TMC1: variants seen among roughly 807,000 people sequenced by gnomAD.
TMC1 encodes transmembrane channel like 1.
In TMC1, 84 loss-of-function variants were observed where a neutral mutation model predicts 105.8. That is an observed-to-expected ratio of 0.79 (90% CI 0.67 to 0.95). The LOEUF (loss-of-function observed/expected upper bound fraction) is 0.95, where lower values mean the gene tolerates loss of function less well. TMC1 is among the 40% of genes least tolerant of loss of function. The pLI is 0.00. For synonymous variants in TMC1, 315 were observed against 311.5 expected, an observed-to-expected ratio of 1.01 and a Z score of -0.12; for missense variants, 817 against 914.1, an observed-to-expected ratio of 0.89 and a Z score of 1.37.
At chr9:72,605,121 A>C (rs1824891415) in intron 2 of TMC1, among the ~76,000 whole-genome samples, 1 of 152,230 alleles carries the variant, frequency 6.6e-6, no homozygotes, top group Non-Finnish European at 1.5e-5. Context: ...ACATACGCCA[A>C]AAACAATATA....
intron 4 of TMC1, among the ~76,000 whole-genome samples, chr9:72,648,357 G>T (rs1195306199): frequency 1.3e-5 from 2 of 152,142 alleles, no homozygotes; most frequent in African/African-American, 4.8e-5. Context: ...GCTCTGAATA[G>T]GACTTATATG....
rs1345549359 is a variant in TMC1 at position 72,532,395 on chromosome 9, G to A, written c.-428+10482G>A. Among the ~76,000 whole-genome samples the A allele has an allele frequency of 2.0e-5, 3 of 151,864 alleles. No homozygotes were observed. The East Asian group carries it at 5.9e-4, about 30-fold the overall frequency. ...ATCTCTACTAAAAATACAAAAATTA[G>A]CCAGGTATGGTGGTGCATGCCTGCA... is the stretch of plus-strand genomic sequence containing the variant. On this transcript the variant is annotated intron_variant, in intron 1 of 23. Coordinates refer to ENST00000297784, the MANE Select transcript of TMC1 (RefSeq NM_138691.3).
intron 5 of TMC1, among the ~76,000 whole-genome samples, chr9:72,670,522 A>G (rs961650759): frequency 7.9e-5 from 12 of 152,216 alleles, no homozygotes; most frequent in African/African-American, 2.9e-4. Context: ...AAATATTACC[A>G]TGAATATAAA....
At chr9:72,542,324 G>A (rs1192002038) in intron 1 of TMC1, among the ~76,000 whole-genome samples, 1 of 152,164 alleles carries the variant, frequency 6.6e-6, no homozygotes, top group African/African-American at 2.4e-5. Flanking sequence ...AGCCGGGTGT[G>A]GTGGCATGTG....
chr9:72,555,820 A>C (rs1445842977), intron 1 of TMC1, among the ~76,000 whole-genome samples: 4 of 151,198 alleles, frequency 2.6e-5, no homozygotes, highest in Admixed American at 1.3e-4. Flanking sequence ...ATGGGGTTTC[A>C]CCATATTCCC....
chr9:72,627,692 C>T (rs1335099413), intron 3 of TMC1, among the ~76,000 whole-genome samples: 9 of 152,072 alleles, frequency 5.9e-5, no homozygotes, highest in Non-Finnish European at 1.2e-4. Context: ...CAGACAGAAA[C>T]GCAATTAACA....
intron 2 of TMC1, among the ~76,000 whole-genome samples, chr9:72,605,640 A>G (rs542505154): frequency 1.1e-4 from 17 of 150,216 alleles, no homozygotes; most frequent in Admixed American, 2.7e-4. Context: ...CAGTGGTGCA[A>G]TCTTGGCTCA....
At chr9:72,571,592 A>ATG (rs1459863897) in intron 1 of TMC1, among the ~76,000 whole-genome samples, 4 of 151,700 alleles carry the variant, frequency 2.6e-5, no homozygotes, top group East Asian at 3.9e-4. Context: ...GATTACAGGC[A>ATG]TACACCGCCA....
intron 18 of TMC1, 121 bp downstream of exon 18, chr9:72,805,631 A>C: frequency 1.1e-6 from 1 of 880,802 alleles, no homozygotes; most frequent in Non-Finnish European, 1.6e-6. Flanking sequence ...AGTGGAGGGA[A>C]GGTCAGCAGA....
At chr9:72,618,879 C>T (rs538106456) in intron 3 of TMC1, among the ~76,000 whole-genome samples, 2 of 152,236 alleles carry the variant, frequency 1.3e-5, no homozygotes, top group South Asian at 4.1e-4. Flanking sequence ...TCAGTATAAA[C>T]TCATAATGTG....
chr9:72,725,283 C>T (rs1374237740), intron 8 of TMC1, among the ~76,000 whole-genome samples: 1 of 141,424 alleles, frequency 7.1e-6, no homozygotes, highest in African/African-American at 2.6e-5. Context: ...TTCTCTTAGA[C>T]AACTCATAGG....
At chr9:72,776,539 T>C (rs1828007924) in intron 13 of TMC1, among the ~76,000 whole-genome samples, 1 of 152,162 alleles carries the variant, frequency 6.6e-6, no homozygotes, top group South Asian at 2.1e-4. Flanking sequence ...CTGCACAAGG[T>C]CATTTGACTA....
intron 5 of TMC1, among the ~76,000 whole-genome samples, chr9:72,683,444 C>T (rs1230585897): frequency 6.6e-6 from 1 of 151,746 alleles, no homozygotes; most frequent in Non-Finnish European, 1.5e-5. Flanking sequence ...AACTGAATGA[C>T]CTTATACCTA....
chr9:72,712,433 C>A (rs1372858987), intron 8 of TMC1, among the ~76,000 whole-genome samples: 1 of 152,010 alleles, frequency 6.6e-6, no homozygotes, highest in African/African-American at 2.4e-5. Flanking sequence ...TGTGTCCTCT[C>A]TTATTTCCTT....
intron 12 of TMC1, among the ~76,000 whole-genome samples, chr9:72,764,286 A>G (rs961203437): frequency 1.3e-5 from 2 of 152,154 alleles, no homozygotes; most frequent in Admixed American, 1.3e-4. Context: ...GTCTCGTTTC[A>G]TGTATGAATT....
chr9:72,655,732 A>G, intron 5 of TMC1: 1 of 440,034 alleles, frequency 2.3e-6, no homozygotes, highest in East Asian at 4.0e-5. Flanking sequence ...ACAGACCGAG[A>G]ATCCGTATCA....
intron 4 of TMC1, among the ~76,000 whole-genome samples, chr9:72,631,616 TA>T (rs1296300766): frequency 6.6e-6 from 1 of 152,220 alleles, no homozygotes; most frequent in African/African-American, 2.4e-5. Flanking sequence ...TTGCACCAAA[TA>T]TATGAGGTTC....
At chr9:72,548,957 C>T (rs971364990) in intron 1 of TMC1, among the ~76,000 whole-genome samples, 1 of 152,210 alleles carries the variant, frequency 6.6e-6, no homozygotes, top group African/African-American at 2.4e-5. Context: ...AACTACATCC[C>T]CTCTATCCAC....
At chr9:72,824,778 G>A (rs1828926721) in intron 20 of TMC1, among the ~76,000 whole-genome samples, 1 of 152,192 alleles carries the variant, frequency 6.6e-6, no homozygotes, top group African/African-American at 2.4e-5. Context: ...GGTGAAGGGT[G>A]GGGATGAATC....
Sources: gnomAD v4.1 joint callset for allele counts (sites outside exome capture counted in the v4.1 genomes callset) on GRCh38, gnomAD v4.1.1 for gene constraint, MANE v1.5 for transcripts, NCBI Gene and HGNC (gene_info 2026-07-23, HGNC 2026-07-21) for gene names.